The following MAP3K7 variants were observed in gnomAD, a reference collection of about 807,000 sequenced individuals.
MAP3K7 encodes mitogen-activated protein kinase kinase kinase 7, also known as TGF-beta activated kinase 1.
Under a neutral mutation model 84.8 loss-of-function variants are expected in MAP3K7, and 21 were observed. The ratio of observed to expected loss-of-function variants is 0.25; its 90% CI spans 0.18 to 0.36. The LOEUF (loss-of-function observed/expected upper bound fraction) is 0.36. MAP3K7 is among the 10% of genes least tolerant of loss of function. MAP3K7 has a pLI of 1.00. For synonymous variants in MAP3K7, 241 were observed against 247.7 expected, an observed-to-expected ratio of 0.97 and a Z score of 0.25; for missense variants, 503 against 747.7, an observed-to-expected ratio of 0.67 and a Z score of 3.82.
At chr6:90,524,753 T>G (rs1414517434) in intron 13 of MAP3K7, among the ~76,000 whole-genome samples, 1 of 152,136 alleles carries the variant, frequency 6.6e-6, no homozygotes, top group Non-Finnish European at 1.5e-5. Context: ...ACTGAAAACA[T>G]TCAGTGACAG....
At chr6:90,530,362 C>T (rs1775467978) in intron 13 of MAP3K7, among the ~76,000 whole-genome samples, 2 of 152,142 alleles carry the variant, frequency 1.3e-5, no homozygotes, top group South Asian at 4.1e-4. Context: ...TGAACATCTG[C>T]AATATTAAAA....
chr6:90,564,565 T>G (rs895729873), intron 3 of MAP3K7, among the ~76,000 whole-genome samples: 3 of 152,188 alleles, frequency 2.0e-5, no homozygotes, highest in African/African-American at 7.2e-5. Flanking sequence ...CCCAGATTCA[T>G]AAAGCAAGTC....
chr6:90,571,296 A>C (rs1355348794), intron 2 of MAP3K7, among the ~76,000 whole-genome samples: 3 of 152,160 alleles, frequency 2.0e-5, no homozygotes, highest in African/African-American at 7.2e-5. Flanking sequence ...TCAAATTTGA[A>C]ATAATTTTTC....
chr6:90,550,633 TATACTAAA>T, intron 8 of MAP3K7, 84 bp from the exon 9 acceptor site: 1 of 809,136 alleles, frequency 1.2e-6, no homozygotes, highest in Non-Finnish European at 2.0e-6. Flanking sequence ...CCCTAAGTTA[TATACTAAA>T]TTTGTAGGTG....
chr6:90,550,800 G>A, intron 8 of MAP3K7: 1 of 317,674 alleles, frequency 3.1e-6, no homozygotes, highest in Non-Finnish European at 5.8e-6. Context: ...AGAAACATAT[G>A]AAATAAAATA....
chr6:90,547,419 GAAGTTC>G, intron 10 of MAP3K7, 32 bp from the exon 11 acceptor site: 1 of 1,600,520 alleles, frequency 6.2e-7, no homozygotes, highest in East Asian at 2.2e-5. Context: ...CTGAATTACT[GAAGTTC>G]TTTAGATTTA....
chr6:90,559,431 A>T (rs1776436670), intron 5 of MAP3K7, among the ~76,000 whole-genome samples: 1 of 152,164 alleles, frequency 6.6e-6, no homozygotes. Context: ...ACTGTGTCAC[A>T]GGTGCATAAA....
At chr6:90,553,667 A>G (rs1776249777) in intron 6 of MAP3K7, 81 bp from the exon 7 acceptor site, 1 of 1,226,940 alleles carries the variant, frequency 8.2e-7, no homozygotes, top group Admixed American at 2.2e-5. Flanking sequence ...AATTTTGAGA[A>G]TGGGTATCAG....
At position 90,516,554 on chromosome 6, in the gene MAP3K7, T is replaced by G. The variant is rs1774969162; in HGVS notation, c.1768A>C (p.Lys590Gln). ...TGACTTCTGATGACCTCTAGTTGTT[T>G]TTTGCATTGCTGGTAGTAAGTAGAA... ...SLSTYYQQCK[K>Q]QLEVIRSQQQ... Residue 590 changes from lysine (K) to glutamine (Q), a missense_variant, in exon 17 of 17, where the codon AAA (lysine) becomes CAA (glutamine). Physicochemically the swap from Lys to Gln is moderately conservative, Grantham distance 53. Coordinates refer to ENST00000369329, the MANE Select transcript of MAP3K7 (RefSeq NM_145331.3). 3.7e-6 allele frequency: 6 copies of G among 1,612,798 alleles called. No individual in the cohort carries two copies. The highest frequency in any genetic ancestry group is 5.1e-6 in the Non-Finnish European group (6 of 1,179,136).
chr6:90,541,371 T>G (rs527661422), intron 12 of MAP3K7, among the ~76,000 whole-genome samples: 1 of 152,174 alleles, frequency 6.6e-6, no homozygotes, highest in Admixed American at 6.6e-5. Context: ...TTACATTTAC[T>G]TTGCTTAGGT....
chr6:90,544,202 A>T (rs1469306901), intron 12 of MAP3K7, among the ~76,000 whole-genome samples: 4 of 152,092 alleles, frequency 2.6e-5, no homozygotes, highest in South Asian at 2.1e-4. Context: ...AAAATAACAA[A>T]TTTTAATTAG....
At position 90,565,069 on chromosome 6, in the gene MAP3K7, G is replaced by A. The variant is rs1776656453; in HGVS notation, c.298-3402C>T. ...GACACATTTAAAGCAGTGTGTAGAGGGAAATTTATAGCACTAAATGCCCAC... is the reference window on the plus strand; with the variant it reads ...GACACATTTAAAGCAGTGTGTAGAGAGAAATTTATAGCACTAAATGCCCAC... On this transcript the variant is annotated intron_variant, in intron 3 of 16. Coordinates refer to ENST00000369329, the MANE Select transcript of MAP3K7 (RefSeq NM_145331.3). 9.2e-5 allele frequency among the ~76,000 whole-genome samples: 14 copies of A among 152,218 alleles called. No homozygotes were observed. The South Asian group carries it at 2.9e-3, about 32-fold the overall frequency.
rs1776390419 is a variant in MAP3K7 at position 90,558,055 on chromosome 6, G to C, written c.483-1431C>G. 2.6e-5 allele frequency among the ~76,000 whole-genome samples: 4 copies of C among 152,158 alleles called. No individual in the cohort carries two copies. In the South Asian group the frequency reaches 8.3e-4, roughly 31 times the overall value. The stretch of plus-strand genomic sequence containing the variant: ...TAGCAGGTATTGGCCGGGTGCAGTG[G>C]CTCAGGCCTGTAATCCCAGCACTTT... On this transcript the variant is annotated intron_variant, in intron 5 of 16. Coordinates refer to ENST00000369329, the MANE Select transcript of MAP3K7 (RefSeq NM_145331.3).
intron 12 of MAP3K7, chr6:90,542,515 T>C: frequency 3.0e-6 from 3 of 984,404 alleles, no homozygotes; most frequent in South Asian, 9.4e-5. Flanking sequence ...TGAAGAGCTC[T>C]CCTTAATGTG....
At chr6:90,530,365 T>C (rs1196578207) in intron 13 of MAP3K7, among the ~76,000 whole-genome samples, 1 of 152,212 alleles carries the variant, frequency 6.6e-6, no homozygotes, top group East Asian at 1.9e-4. Flanking sequence ...ACATCTGCAA[T>C]ATTAAAACAA....
At chr6:90,546,329 G>A (rs1582194142) in intron 11 of MAP3K7, among the ~76,000 whole-genome samples, 1 of 151,848 alleles carries the variant, frequency 6.6e-6, no homozygotes, top group Admixed American at 6.6e-5. Context: ...CTAAAAAATT[G>A]GTTAGCTAAG....
chr6:90,545,010 G>GT lies in MAP3K7; in HGVS notation c.1211-379dup, dbSNP rs530640857. Among the ~76,000 whole-genome samples the GT allele has an allele frequency of 2.8e-4, 42 of 152,182 alleles. 1 individual carries two copies. In the South Asian group the frequency reaches 8.7e-3, roughly 32 times the overall value. On this transcript the variant is annotated intron_variant, in intron 11 of 16. Coordinates refer to ENST00000369329, the MANE Select transcript of MAP3K7 (RefSeq NM_145331.3). ...AGGAGAGGAAGAAAGGCGTTAAAAA[G>GT]TAAGTTGTCGTATTTGTTTTAATTA...
chr6:90,579,154 G>T (rs925021080), intron 1 of MAP3K7, among the ~76,000 whole-genome samples: 4 of 152,154 alleles, frequency 2.6e-5, no homozygotes, highest in Non-Finnish European at 5.9e-5. Context: ...CTACTCAAAG[G>T]CAGCAAGTAT....
chr6:90,542,339 G>T lies in MAP3K7; in HGVS notation c.1291+2213C>A, dbSNP rs949924997. 4.6e-5 allele frequency: 45 copies of T among 983,932 alleles called. No homozygotes were observed. In the African/African-American group the frequency reaches 7.7e-4, roughly 17 times the overall value. The allele number at this position is 983,932 out of a possible 1,614,324, so 61.0% of individuals were successfully genotyped here. The stretch of plus-strand genomic sequence containing the variant: ...TATTAAAGAAAGTGCACCTGAGTAA[G>T]TTAATGTTTGATATCTGAGGGGGGA... On this transcript the variant is annotated intron_variant, in intron 12 of 16. Transcript: ENST00000369329.
Sources: gnomAD v4.1 joint callset for allele counts (sites outside exome capture counted in the v4.1 genomes callset) on GRCh38, gnomAD v4.1.1 for gene constraint, MANE v1.5 for transcripts, NCBI Gene and HGNC (gene_info 2026-07-23, HGNC 2026-07-21) for gene names.